The following MAP3K19 variants were observed in gnomAD, a reference collection of about 807,000 sequenced individuals.
MAP3K19 encodes mitogen-activated protein kinase kinase kinase 19.
Under a neutral mutation model 114.4 loss-of-function variants are expected in MAP3K19, and 91 were observed. The ratio of observed to expected loss-of-function variants is 0.80; its 90% CI spans 0.67 to 0.95. The LOEUF (loss-of-function observed/expected upper bound fraction) is 0.95. MAP3K19 is among the 40% of genes least tolerant of loss of function. MAP3K19 has a pLI of 0.00. For missense variants in MAP3K19, 1,471 were observed against 1,573.2 expected (o/e 0.94, Z 1.10); for synonymous variants, 518 against 530.5 (o/e 0.98, Z 0.32).
At chr2:134,976,265 C>T (rs1028173611) in intron 12 of MAP3K19, among the ~76,000 whole-genome samples, 7 of 152,176 alleles carry the variant, frequency 4.6e-5, no homozygotes, top group South Asian at 2.1e-4. Context: ...GCTCCCTCTC[C>T]GGAGCAATGC....
At chr2:134,988,422 G>A (rs1166464900) in intron 9 of MAP3K19, among the ~76,000 whole-genome samples, 169 bp from the exon 10 acceptor site, 1 of 152,000 alleles carries the variant, frequency 6.6e-6, no homozygotes, top group Non-Finnish European at 1.5e-5. Flanking sequence ...ACAAGATCTC[G>A]CTCTGTCACC....
At chr2:134,972,015 C>T (rs2105154081) in intron 12 of MAP3K19, among the ~76,000 whole-genome samples, 1 of 152,008 alleles carries the variant, frequency 6.6e-6, no homozygotes, top group East Asian at 1.9e-4. Flanking sequence ...TGTTTTGATA[C>T]AGGCATGCAA....
chr2:135,013,304 T>C (rs1574020157), intron 5 of MAP3K19, among the ~76,000 whole-genome samples: 1 of 142,928 alleles, frequency 7.0e-6, no homozygotes, highest in Admixed American at 7.2e-5. Context: ...AGAGTAAGAG[T>C]CCGTCCCAAA....
intron 5 of MAP3K19, among the ~76,000 whole-genome samples, chr2:135,008,602 T>A (rs1267266389): frequency 1.3e-5 from 2 of 152,190 alleles, no homozygotes; most frequent in Admixed American, 1.3e-4. Context: ...CCAAATACTA[T>A]GAAAAAGTTG....
intron 9 of MAP3K19, among the ~76,000 whole-genome samples, chr2:134,990,501 G>A (rs1685489936): frequency 6.7e-6 from 1 of 149,868 alleles, no homozygotes; most frequent in African/African-American, 2.5e-5. Flanking sequence ...TTTTTGAGAC[G>A]GAGTCTTGCT....
intron 4 of MAP3K19, chr2:135,023,215 T>C (rs1260197561): frequency 3.0e-6 from 1 of 332,182 alleles, no homozygotes; most frequent in African/African-American, 2.2e-5. Flanking sequence ...TTACCACATC[T>C]GCTTTGTAAT....
rs1386137075 is a variant in MAP3K19, at chr2:134,986,944, T to G, written c.1928A>C (p.Asp643Ala). The G allele has an allele frequency of 1.2e-6, 2 of 1,613,898 alleles. No individual in the cohort carries two copies. Among genetic ancestry groups the G allele is most frequent in the African/African-American group, 2.7e-5 (2 of 74,884 alleles). The change falls in exon 10 of 13, where the codon GAT (aspartate) becomes GCT (alanine). Residue 643 changes from aspartate to alanine, a missense_variant. Asp to Ala is a moderately radical substitution (Grantham distance 126, BLOSUM62 -2). Coordinates refer to ENST00000392915, the MANE Select transcript of MAP3K19 (RefSeq NM_025052.5). ...QPTEPRLNYL[D>A]LKYSDMFKEI... ...TTTGAACATATCACTATACTTAAGA[T>G]CTAGGTAATTTAGTCTTGGCTCTGT...
At chr2:135,037,518 T>C (rs1688559168) in intron 2 of MAP3K19, among the ~76,000 whole-genome samples, 1 of 152,150 alleles carries the variant, frequency 6.6e-6, no homozygotes, top group South Asian at 2.1e-4. Context: ...GATGAAATAA[T>C]GAGAAAGTTA....
At chr2:135,002,074 C>T (rs1686481459) in intron 6 of MAP3K19, among the ~76,000 whole-genome samples, 1 of 152,128 alleles carries the variant, frequency 6.6e-6, no homozygotes, top group Non-Finnish European at 1.5e-5. Flanking sequence ...TCTCAAGCTA[C>T]CCAGTAGGCC....
At chr2:135,038,939 T>C (rs184451850) in intron 2 of MAP3K19, among the ~76,000 whole-genome samples, 1 of 152,026 alleles carries the variant, frequency 6.6e-6, no homozygotes, top group East Asian at 1.9e-4. Flanking sequence ...AGCAAGTAAT[T>C]ACTTAGGCAT....
rs1286650294 is a variant in MAP3K19 at position 134,987,704 on chromosome 2, T to C, written c.1168A>G (p.Ile390Val). 1 of 1,612,902 alleles carries C rather than the reference T, an allele frequency of 6.2e-7. No homozygotes were observed. The highest frequency in any genetic ancestry group is 8.5e-7 in the Non-Finnish European group (1 of 1,180,032). The change falls in exon 10 of 13, where the codon ATT becomes GTT. Residue 390 changes from isoleucine to valine, a missense_variant. Ile to Val is a conservative substitution (Grantham distance 29). Coordinates refer to ENST00000392915, the MANE Select transcript of MAP3K19 (RefSeq NM_025052.5). Reference sequence around the variant, plus strand: ...TGGGTTTCTTGGAACTTGCTTGGAATGGTACATACTATTTCTGGATCTTGT... The same window carrying C: ...TGGGTTTCTTGGAACTTGCTTGGAACGGTACATACTATTTCTGGATCTTGT... ...YEQDPEIVCT[I>V]PSKFQETQHS...
chr2:135,031,160 A>T (rs1271380390), intron 2 of MAP3K19, among the ~76,000 whole-genome samples: 4 of 83,094 alleles, frequency 4.8e-5, no homozygotes, highest in Admixed American at 2.9e-4. Context: ...GACATATTTA[A>T]AAAAAAAAAA....
chr2:135,036,523 T>C (rs1435999875), intron 2 of MAP3K19, among the ~76,000 whole-genome samples: 1 of 152,206 alleles, frequency 6.6e-6, no homozygotes, highest in African/African-American at 2.4e-5. Context: ...CTGATGCTGG[T>C]GTCCCTCAGG....
intron 2 of MAP3K19, among the ~76,000 whole-genome samples, chr2:135,035,049 A>G (rs1688496908): frequency 6.6e-6 from 1 of 152,092 alleles, no homozygotes; most frequent in East Asian, 1.9e-4. Context: ...AAAGAAGCCA[A>G]TCACAGGAGA....
At chr2:135,045,660 T>C (rs1306977347) in intron 1 of MAP3K19, among the ~76,000 whole-genome samples, 1 of 152,204 alleles carries the variant, frequency 6.6e-6, no homozygotes, top group African/African-American at 2.4e-5. Flanking sequence ...ATTTAACTTT[T>C]TAATGTGACC....
At chr2:134,996,875 A>C (rs987340348) in intron 8 of MAP3K19, among the ~76,000 whole-genome samples, 1 of 152,064 alleles carries the variant, frequency 6.6e-6, no homozygotes, top group African/African-American at 2.4e-5. Context: ...TCTGTACCAA[A>C]AAACAAACAA....
intron 12 of MAP3K19, among the ~76,000 whole-genome samples, chr2:134,977,325 G>T (rs1427312567): frequency 2.7e-5 from 4 of 147,996 alleles, no homozygotes; most frequent in African/African-American, 1.0e-4. Context: ...GGGACTACAG[G>T]TGTACACAAC....
intron 12 of MAP3K19, among the ~76,000 whole-genome samples, chr2:134,969,975 A>G (rs1413144677): frequency 1.4e-5 from 2 of 146,624 alleles, no homozygotes; most frequent in East Asian, 4.2e-4. Context: ...TTATGTGTCT[A>G]TTTTTACACC....
Position 134,981,462 on chromosome 2 carries a change from C to T in MAP3K19, c.3279G>A (p.Leu1093=). ...GQLIAVKQVA[L]DTSNKLAAEK... ...CAGCAGCTAATTTATTAGAGGTATC[C>T]AAAGCCACCTGTTTTACAGCTATTA... is the stretch of plus-strand genomic sequence containing the variant. The change falls in exon 12 of 13, where the codon TTG becomes TTA. Residue 1093 remains leucine (L), a synonymous_variant. Transcript: ENST00000392915. 6.2e-7 allele frequency: 1 copy of T among 1,614,164 alleles called. No individual in the cohort carries two copies. Among genetic ancestry groups the T allele is most frequent in the Non-Finnish European group, 8.5e-7 (1 of 1,180,024 alleles).
Sources: allele counts gnomAD v4.1 joint callset (sites outside exome capture counted in the v4.1 genomes callset), GRCh38; gene constraint gnomAD v4.1.1; transcripts MANE v1.5; gene names NCBI Gene and HGNC (gene_info 2026-07-23, HGNC 2026-07-21).